HNRNPD: variants seen among roughly 807,000 people sequenced by gnomAD.
The protein encoded by HNRNPD is heterogeneous nuclear ribonucleoprotein D.
HNRNPD carries 3 observed loss-of-function variants against 47.9 expected under a neutral mutation model. That is an observed-to-expected ratio of 0.06 (90% CI 0.03 to 0.16). The LOEUF is 0.16. Ranked by LOEUF, HNRNPD falls within the 10% of genes least tolerant of loss-of-function variation. HNRNPD has a pLI of 1.00. For missense variants in HNRNPD, 287 were observed against 454.2 expected, an observed-to-expected ratio of 0.63 and a Z score of 3.35; for synonymous variants, 171 against 165.1, an observed-to-expected ratio of 1.04 and a Z score of -0.28.
chr4:82,368,340 T>C (rs756353851), intron 2 of HNRNPD, among the ~76,000 whole-genome samples: 10 of 152,066 alleles, frequency 6.6e-5, no homozygotes, highest in East Asian at 1.9e-4. Flanking sequence ...ATTAGGACGA[T>C]AGCAGAGTAC....
Position 82,373,749 on chromosome 4 carries a change from G to T in HNRNPD, c.-71C>A, listed in dbSNP as rs1168166070. 6.6e-6 allele frequency: 10 copies of T among 1,525,098 alleles called. No individual in the cohort carries two copies. The highest frequency in any genetic ancestry group is 8.8e-6 in the Non-Finnish European group (10 of 1,142,542). 94.5% of individuals were successfully genotyped at this position (1,525,098 alleles called of 1,614,324 possible). A position where few individuals can be genotyped will look rare whatever the true frequency, so the allele number is the denominator to read the frequency against. ...GCCGCGAACCGAAACTAGCAGCAAAGTAATCCCCGCCGCTGCCGCGCGCCC... is the reference window on the plus strand; with the variant it reads ...GCCGCGAACCGAAACTAGCAGCAAATTAATCCCCGCCGCTGCCGCGCGCCC... On this transcript the variant is annotated 5_prime_UTR_variant, in exon 1 of 9. Coordinates refer to ENST00000313899, the MANE Select transcript of HNRNPD (RefSeq NM_031370.3).
intron 7 of HNRNPD, 95 bp downstream of exon 7, chr4:82,356,442 T>C (rs950253881): frequency 2.4e-5 from 24 of 985,654 alleles, no homozygotes; most frequent in African/African-American, 1.1e-4. Context: ...CTGAAGACAT[T>C]TGCACTTGGC....
At chr4:82,362,133 A>T (rs568772688) in intron 2 of HNRNPD, among the ~76,000 whole-genome samples, 1 of 152,336 alleles carries the variant, frequency 6.6e-6, no homozygotes, top group East Asian at 1.9e-4. Flanking sequence ...AGTAATCATA[A>T]TTTAACACTA....
At chr4:82,368,979 A>C (rs796381960) in intron 2 of HNRNPD, among the ~76,000 whole-genome samples, 10 of 152,044 alleles carry the variant, frequency 6.6e-5, no homozygotes, top group African/African-American at 2.2e-4. Flanking sequence ...GTTATTAAAG[A>C]AGCATTGCTG....
chr4:82,354,234 T>A (rs1347614961), intron 8 of HNRNPD, 80 bp from the exon 9 acceptor site: 1 of 152,282 alleles, frequency 6.6e-6, no homozygotes, highest in Admixed American at 6.5e-5. Context: ...AACTGAGTTA[T>A]CCCTATGTTC....
intron 7 of HNRNPD, 57 bp from the exon 8 acceptor site, chr4:82,355,458 A>T: frequency 8.3e-7 from 1 of 1,207,050 alleles, no homozygotes; most frequent in Non-Finnish European, 1.2e-6. Flanking sequence ...TAATAATCAG[A>T]ACAGTACCTA....
At chr4:82,362,766 A>AT (rs1353668411) in intron 2 of HNRNPD, among the ~76,000 whole-genome samples, 1 of 151,714 alleles carries the variant, frequency 6.6e-6, no homozygotes, top group Non-Finnish European at 1.5e-5. Flanking sequence ...GCCTGACTTG[A>AT]TTTTTGCATT....
At chr4:82,370,336 A>G (rs1343380817) in intron 2 of HNRNPD, among the ~76,000 whole-genome samples, 1 of 152,216 alleles carries the variant, frequency 6.6e-6, no homozygotes, top group Non-Finnish European at 1.5e-5. Flanking sequence ...CTGACCTTCA[A>G]ATTTAAGTTT....
Position 82,354,286 on chromosome 4 carries a change from T to C in HNRNPD, c.*31-132A>G, listed in dbSNP as rs543173059. Reference sequence around the variant, plus strand: ...TGTATAACATTAAATGTGTGATATGTTTTATAAATTAAAGCTGAACAGTAG... The same window carrying C: ...TGTATAACATTAAATGTGTGATATGCTTTATAAATTAAAGCTGAACAGTAG... On this transcript the variant is annotated intron_variant, in intron 8 of 8. Coordinates refer to ENST00000313899, the MANE Select transcript of HNRNPD (RefSeq NM_031370.3). 3 of 152,396 alleles carry C rather than the reference T, an allele frequency of 2.0e-5. No homozygotes were observed. In the South Asian group the frequency reaches 6.2e-4, roughly 32 times the overall value. The allele number at this position is 152,396 out of a possible 1,614,324, so 9.4% of individuals were successfully genotyped here. A position where few individuals can be genotyped will look rare whatever the true frequency, so the allele number is the denominator to read the frequency against.
chr4:82,372,435 T>C (rs558831552), intron 1 of HNRNPD, among the ~76,000 whole-genome samples: 1 of 152,310 alleles, frequency 6.6e-6, no homozygotes, highest in East Asian at 1.9e-4. Flanking sequence ...ATACAGGATT[T>C]GTTTCTCTTA....
intron 5 of HNRNPD, 150 bp from the exon 6 acceptor site, chr4:82,357,045 G>A (rs1363443865): frequency 1.8e-5 from 13 of 722,868 alleles, no homozygotes; most frequent in Non-Finnish European, 2.8e-5. Context: ...CCAATATTTA[G>A]TACTTAAGAG....
intron 2 of HNRNPD, among the ~76,000 whole-genome samples, chr4:82,368,844 G>A (rs138004206): frequency 7.1e-4 from 108 of 152,264 alleles, no homozygotes; most frequent in African/African-American, 2.5e-3. Context: ...GCAAAAACAT[G>A]AGCCTAGTCT....
intron 2 of HNRNPD, among the ~76,000 whole-genome samples, chr4:82,369,869 G>A (rs1240966978): frequency 3.9e-5 from 6 of 152,168 alleles, no homozygotes; most frequent in East Asian, 1.9e-4. Flanking sequence ...TAGGCCGGGC[G>A]CAGTGGCTCA....
intron 2 of HNRNPD, among the ~76,000 whole-genome samples, chr4:82,363,222 G>A (rs559369073): frequency 6.6e-6 from 1 of 152,010 alleles, no homozygotes; most frequent in Admixed American, 6.6e-5. Context: ...GATAACAGGT[G>A]CATGCCACCA....
At chr4:82,363,845 C>T (rs1719611222) in intron 2 of HNRNPD, among the ~76,000 whole-genome samples, 1 of 152,208 alleles carries the variant, frequency 6.6e-6, no homozygotes, top group African/African-American at 2.4e-5. Context: ...AGTTATACAA[C>T]TCAGCATAGA....
At chr4:82,369,662 C>G (rs1401757865) in intron 2 of HNRNPD, among the ~76,000 whole-genome samples, 1 of 142,760 alleles carries the variant, frequency 7.0e-6, no homozygotes, top group Non-Finnish European at 1.5e-5. Context: ...GAGGAAGGGA[C>G]AGATACGGTG....
At chr4:82,367,903 T>C (rs926182760) in intron 2 of HNRNPD, among the ~76,000 whole-genome samples, 49 of 152,318 alleles carry the variant, frequency 3.2e-4, no homozygotes, top group Non-Finnish European at 5.4e-4. Context: ...GTGGTGAGCA[T>C]TGTTTCCAAC....
chr4:82,355,906 G>A (rs976084654), intron 7 of HNRNPD: 1 of 153,822 alleles, frequency 6.5e-6, no homozygotes, highest in Non-Finnish European at 1.4e-5. Flanking sequence ...ACCAAGGAAG[G>A]AAAAGAAAAA....
chr4:82,373,794 A>G lies in HNRNPD; in HGVS notation c.-116T>C. 3 of 1,518,776 alleles carry G rather than the reference A, an allele frequency of 2.0e-6. No homozygotes were observed. The highest frequency in any genetic ancestry group is 2.6e-6 in the Non-Finnish European group (3 of 1,138,798). The allele number at this position is 1,518,776 out of a possible 1,614,324, so 94.1% of individuals were successfully genotyped here. A position where few individuals can be genotyped will look rare whatever the true frequency, so the allele number is the denominator to read the frequency against. ...GCGCCCGCTCTACCTCGCGAAGCAC[A>G]CAAGACAGGGAAGGCGCGCGCGTGG... On this transcript the variant is annotated 5_prime_UTR_variant, in exon 1 of 9. Transcript: ENST00000313899.
Sources: gnomAD v4.1 joint callset for allele counts (sites outside exome capture counted in the v4.1 genomes callset) on GRCh38, gnomAD v4.1.1 for gene constraint, MANE v1.5 for transcripts, NCBI Gene and HGNC (gene_info 2026-07-23, HGNC 2026-07-21) for gene names.